Variants in SLC23A2 observed in about 807,000 individuals in gnomAD.
SLC23A2 encodes solute carrier family 23 member 2.
A neutral mutation model predicts 73.3 loss-of-function variants in SLC23A2; 36 were observed. The observed-to-expected ratio is 0.49, with a 90% confidence interval of 0.38 to 0.65. The LOEUF is 0.65. Ranked by LOEUF, SLC23A2 falls within the 30% of genes least tolerant of loss-of-function variation. SLC23A2 has a pLI of 0.00. For missense variants in SLC23A2, 507 were observed against 841.6 expected (o/e 0.60, Z 4.92); for synonymous variants, 343 against 327.3 (o/e 1.05, Z -0.52).
chr20:4,859,049 G>A (rs1263447577), intron 16 of SLC23A2, among the ~76,000 whole-genome samples: 3 of 152,184 alleles, frequency 2.0e-5, no homozygotes, highest in Non-Finnish European at 4.4e-5. Context: ...AGCGAACTCA[G>A]CTGCTGTCTC....
intron 4 of SLC23A2, among the ~76,000 whole-genome samples, chr20:4,908,263 T>C (rs1163062754): frequency 6.6e-6 from 1 of 152,148 alleles, no homozygotes; most frequent in East Asian, 1.9e-4. Context: ...GTCTTGAGCA[T>C]GTGTAAAGAG....
Position 4,863,028 on chromosome 20 carries a change from C to A in SLC23A2, c.1357-121G>T. The A allele has an allele frequency of 1.1e-6, 1 of 937,140 alleles. No homozygotes were observed. The highest frequency in any genetic ancestry group is 2.4e-5 in the Admixed American group (1 of 42,524). The allele number at this position is 937,140 out of a possible 1,614,324, so 58.1% of individuals were successfully genotyped here. On this transcript the variant is annotated intron_variant, in intron 13 of 16. Transcript: ENST00000338244. This position sits in a 1 kb window ranked among gnomAD's most constrained non-coding sequence, Gnocchi z 4.8. ...TGGCTCGCTACCTTCACCTCCTCCT[C>A]AGCCCACTCTTCTCACCTCCACTGT...
chr20:4,926,707 G>T (rs1932686634), intron 3 of SLC23A2, among the ~76,000 whole-genome samples: 2 of 151,772 alleles, frequency 1.3e-5, no homozygotes, highest in African/African-American at 4.8e-5. Flanking sequence ...ATGAGTCCTG[G>T]GGCCTGGCAC....
chr20:4,938,956 G>A (rs2087001704), intron 2 of SLC23A2, among the ~76,000 whole-genome samples: 1 of 152,100 alleles, frequency 6.6e-6, no homozygotes, highest in African/African-American at 2.4e-5. Flanking sequence ...AGGACCATGT[G>A]GAGGGCTGAG....
At chr20:4,992,768 C>A (rs1179256570) in intron 1 of SLC23A2, among the ~76,000 whole-genome samples, 1 of 151,464 alleles carries the variant, frequency 6.6e-6, no homozygotes, top group Non-Finnish European at 1.5e-5. Flanking sequence ...CCTCGGCCTC[C>A]CAAAGTGCTG....
intron 1 of SLC23A2, among the ~76,000 whole-genome samples, chr20:4,993,410 GAAAAAAA>G (rs3055956): frequency 8.2e-6 from 1 of 121,532 alleles, no homozygotes; most frequent in Admixed American, 8.9e-5. Flanking sequence ...GCCAAAATCC[GAAAAAAA>G]AAAAAGAAAA....
intron 9 of SLC23A2, among the ~76,000 whole-genome samples, chr20:4,875,032 A>C (rs8115867): frequency 6.6e-6 from 1 of 152,014 alleles, no homozygotes; most frequent in African/African-American, 2.4e-5. Context: ...CTCTATGTAA[A>C]GGGAAAGGAT....
chr20:5,001,345 C>A (rs1405146408), intron 1 of SLC23A2, 61 bp downstream of exon 1: 1 of 146,404 alleles, frequency 6.8e-6, no homozygotes, highest in Non-Finnish European at 1.5e-5. Context: ...GAGCACCTCG[C>A]GGCCCCGCCG....
At position 4,870,063 on chromosome 20, in the gene SLC23A2, G is replaced by A; in HGVS notation, c.1103-10C>T. On this transcript the variant is annotated splice_polypyrimidine_tract_variant and intron_variant, in intron 11 of 16. Coordinates refer to ENST00000338244, the MANE Select transcript of SLC23A2 (RefSeq NM_005116.6). The stretch of plus-strand genomic sequence containing the variant: ...GGCAGTCCCCACTGAACTGTGGGAG[G>A]AAAACAACCATGAATGCTCCTAGAG... The A allele has an allele frequency of 1.3e-6, 2 of 1,585,994 alleles. No homozygotes were observed. The highest frequency in any genetic ancestry group is 1.1e-5 in the South Asian group (1 of 87,002).
intron 9 of SLC23A2, among the ~76,000 whole-genome samples, chr20:4,881,230 G>A (rs1208367013): frequency 2.0e-5 from 3 of 152,320 alleles, no homozygotes; most frequent in East Asian, 3.9e-4. Flanking sequence ...GAGATGTCTT[G>A]TGTAACAGTA....
chr20:4,858,827 C>T (rs1929839561), intron 16 of SLC23A2, among the ~76,000 whole-genome samples: 1 of 152,180 alleles, frequency 6.6e-6, no homozygotes, highest in Non-Finnish European at 1.5e-5. Flanking sequence ...AGCCTTTGCC[C>T]ATGGTCTTCT....
At chr20:4,941,657 C>A (rs1415219834) in intron 2 of SLC23A2, among the ~76,000 whole-genome samples, 3 of 151,338 alleles carry the variant, frequency 2.0e-5, no homozygotes, top group Non-Finnish European at 4.4e-5. Context: ...AGCCAAGATC[C>A]CACCACGGCA....
intron 6 of SLC23A2, among the ~76,000 whole-genome samples, chr20:4,888,562 T>C (rs1363037631): frequency 6.6e-6 from 1 of 152,150 alleles, no homozygotes; most frequent in Non-Finnish European, 1.5e-5. Flanking sequence ...CAGGAGAACC[T>C]AAGCAAACTC....
rs552570739 is a variant in SLC23A2 at position 4,902,913 on chromosome 20, C to T, written c.208-355G>A. ...GATACCTTGGCACGAGCAGTCCTTG[C>T]GTGAGACCCCAGATGAAAAAAATCT... On this transcript the variant is annotated intron_variant, in intron 4 of 16. Coordinates refer to ENST00000338244, the MANE Select transcript of SLC23A2 (RefSeq NM_005116.6). This position sits in a 1 kb window ranked among gnomAD's most constrained non-coding sequence, Gnocchi z 4.0. Among the ~76,000 whole-genome samples, 5 of 151,942 alleles carry T rather than the reference C, an allele frequency of 3.3e-5. No individual in the cohort carries two copies. The highest frequency in any genetic ancestry group is 7.3e-5 in the African/African-American group (3 of 41,356).
intron 4 of SLC23A2, among the ~76,000 whole-genome samples, chr20:4,909,185 T>G (rs1480270599): frequency 6.6e-6 from 1 of 152,204 alleles, no homozygotes; most frequent in Non-Finnish European, 1.5e-5. Context: ...ACCCAAATGT[T>G]TTGGATTTCA....
chr20:4,867,614 T>C lies in SLC23A2; in HGVS notation c.1356+156A>G, dbSNP rs191119830. ...GAGAAGAGAGACTTCCAAACAGGCA[T>C]TATAAACACTTAAAAAAAAAAAAAA... On this transcript the variant is annotated intron_variant, in intron 13 of 16. Coordinates refer to ENST00000338244, the MANE Select transcript of SLC23A2 (RefSeq NM_005116.6). Among the ~76,000 whole-genome samples the C allele has an allele frequency of 1.2e-4, 15 of 127,100 alleles. No homozygotes were observed. In the East Asian group the frequency reaches 3.1e-3, roughly 27 times the overall value. 83.4% of individuals were successfully genotyped at this position (127,100 alleles called of 152,430 possible).
At chr20:4,988,756 G>GA (rs1192729100) in intron 1 of SLC23A2, among the ~76,000 whole-genome samples, 38 of 144,692 alleles carry the variant, frequency 2.6e-4, no homozygotes, top group Non-Finnish European at 2.4e-4. Flanking sequence ...AAGAAAGAAA[G>GA]AAAAAAAAAA....
intron 1 of SLC23A2, among the ~76,000 whole-genome samples, chr20:4,973,988 A>G (rs1002492811): frequency 1.3e-5 from 2 of 152,212 alleles, no homozygotes; most frequent in East Asian, 3.8e-4. Flanking sequence ...TGTGTATCTT[A>G]CTATGTTATT....
intron 6 of SLC23A2, among the ~76,000 whole-genome samples, chr20:4,888,867 G>GTA (rs910829914): frequency 5.9e-5 from 9 of 152,196 alleles, no homozygotes; most frequent in Admixed American, 4.6e-4. Context: ...GGGAGTGCTG[G>GTA]TTAAATGTGG....
Sources: gnomAD v4.1 joint callset for allele counts (sites outside exome capture counted in the v4.1 genomes callset) on GRCh38, gnomAD v4.1.1 for gene constraint, Gnocchi (gnomAD v3.1) non-coding constraint, MANE v1.5 for transcripts, NCBI Gene and HGNC (gene_info 2026-07-23, HGNC 2026-07-21) for gene names.